The following BOC variants were observed in gnomAD, a reference collection of about 807,000 sequenced individuals.
The protein encoded by BOC is BOC cell adhesion associated, oncogene regulated, also known as brother of CDO.
BOC carries 76 observed loss-of-function variants against 112.0 expected under a neutral mutation model. That is an observed-to-expected ratio of 0.68 (90% CI 0.56 to 0.82). The LOEUF (loss-of-function observed/expected upper bound fraction) is 0.82. Ranked by LOEUF, BOC falls within the 40% of genes least tolerant of loss-of-function variation. The pLI is 0.00. For missense variants in BOC, 1,309 were observed against 1,511.7 expected (o/e 0.87, Z 2.22); for synonymous variants, 580 against 599.8 (o/e 0.97, Z 0.48).
At chr3:113,224,959 C>T (rs1214538889) in intron 2 of BOC, among the ~76,000 whole-genome samples, 1 of 152,114 alleles carries the variant, frequency 6.6e-6, no homozygotes, top group African/African-American at 2.4e-5. Flanking sequence ...CGCCTGTAGT[C>T]CCAGCTACTC....
chr3:113,229,845 T>C (rs1942317751), intron 2 of BOC, among the ~76,000 whole-genome samples: 1 of 152,194 alleles, frequency 6.6e-6, no homozygotes, highest in African/African-American at 2.4e-5. Flanking sequence ...CAGATATTCC[T>C]TACCAAAATG....
At chr3:113,236,851 C>G (rs1018259031) in intron 2 of BOC, among the ~76,000 whole-genome samples, 21 of 152,146 alleles carry the variant, frequency 1.4e-4, no homozygotes, top group Admixed American at 1.2e-3. Flanking sequence ...CCCTGACTCC[C>G]GAATTACTGC....
Position 113,268,383 on chromosome 3 carries a change from A to C in BOC, c.461A>C (p.Glu154Ala). 3.7e-6 allele frequency: 6 copies of C among 1,614,162 alleles called. No homozygotes were observed. The highest frequency in any genetic ancestry group is 5.1e-6 in the Non-Finnish European group (6 of 1,180,014). The change falls in exon 5 of 20, where the codon GAG (glutamate) becomes GCG (alanine). Residue 154 changes from glutamate to alanine, a missense_variant. Physicochemically the swap from Glu to Ala is moderately radical, Grantham distance 107 (BLOSUM62 -1). Transcript: ENST00000682979. Reference protein sequence around the residue: ...NTAVIACHLPESHPKAQVRYS... With the variant: ...NTAVIACHLPASHPKAQVRYS... ...GCAGTCATTGCCTGCCACCTGCCTG[A>C]GAGCCACCCCAAAGCCCAGGTCCGG...
rs183865325 is a variant in BOC, at chr3:113,229,642, G to C, written c.-82+13368G>C. On this transcript the variant is annotated intron_variant, in intron 2 of 19. Coordinates refer to ENST00000682979, the MANE Select transcript of BOC (RefSeq NM_001378074.1). ...ATCTGAAAATCCAGAAAATATCTGGGGAAATCTGAGAGAAGCTTTTTGGGA... is the reference window on the plus strand; with the variant it reads ...ATCTGAAAATCCAGAAAATATCTGGCGAAATCTGAGAGAAGCTTTTTGGGA... 6.9e-4 allele frequency among the ~76,000 whole-genome samples: 105 copies of C among 152,184 alleles called. 1 individual carries two copies. Among genetic ancestry groups the C allele is most frequent in the African/African-American group, 1.6e-3 (68 of 41,512 alleles).
chr3:113,254,689 T>TCTC (rs1229027559), intron 4 of BOC, among the ~76,000 whole-genome samples: 1 of 152,198 alleles, frequency 6.6e-6, no homozygotes, highest in Non-Finnish European at 1.5e-5. Flanking sequence ...TCTGGCCTCT[T>TCTC]CTCCACGCTG....
chr3:113,270,676 G>T, intron 5 of BOC, 125 bp from the exon 6 acceptor site: 1 of 1,085,930 alleles, frequency 9.2e-7, no homozygotes, highest in Non-Finnish European at 1.3e-6. Flanking sequence ...GGACTCAGGT[G>T]GACATCAGCT....
intron 14 of BOC, 64 bp downstream of exon 14, chr3:113,280,727 C>A (rs1949113052): frequency 2.2e-6 from 3 of 1,340,972 alleles, no homozygotes; most frequent in Non-Finnish European, 3.2e-6. Context: ...GCATGGGGGA[C>A]AAGGTATTGG....
chr3:113,243,279 A>G (rs1340462366), intron 2 of BOC, among the ~76,000 whole-genome samples: 1 of 152,246 alleles, frequency 6.6e-6, no homozygotes, highest in Non-Finnish European at 1.5e-5. Context: ...TTCAAGCCAC[A>G]GGAGGGAGTA....
At chr3:113,233,151 GTGTGTGTGT>G (rs1942917954) in intron 2 of BOC, among the ~76,000 whole-genome samples, 2 of 81,306 alleles carry the variant, frequency 2.5e-5, no homozygotes, top group African/African-American at 1.3e-4. Flanking sequence ...GGATTGGGGT[GTGTGTGTGT>G]GTGTGTGTGT....
intron 1 of BOC, chr3:113,212,580 G>T (rs1048207958): frequency 1.3e-5 from 2 of 152,310 alleles, no homozygotes; most frequent in African/African-American, 4.8e-5. Flanking sequence ...GAGGAACTCA[G>T]CGGACCGGGA....
chr3:113,286,382 T>C (rs1431634593), intron 19 of BOC, among the ~76,000 whole-genome samples: 1 of 152,152 alleles, frequency 6.6e-6, no homozygotes, highest in African/African-American at 2.4e-5. Context: ...GAGCAGGGCT[T>C]CCTTCTGCGT....
rs1450010233 is a variant in BOC at position 113,274,689 on chromosome 3, C to T, written c.1542+7C>T. The T allele has an allele frequency of 6.3e-7, 1 of 1,576,858 alleles. No individual in the cohort carries two copies. The highest frequency in any genetic ancestry group is 8.7e-7 in the Non-Finnish European group (1 of 1,155,010). ...TGTGGTGAAACACCGCAAGGTATGG[C>T]CCTGGTGTGGGGCTGCTGCCTCCCC... On this transcript the variant is annotated splice_region_variant and intron_variant, in intron 9 of 19. Coordinates refer to ENST00000682979, the MANE Select transcript of BOC (RefSeq NM_001378074.1). This position sits in a 1 kb window ranked among gnomAD's most constrained non-coding sequence, Gnocchi z 4.8.
At chr3:113,217,478 G>A (rs139223186) in intron 2 of BOC, among the ~76,000 whole-genome samples, 3 of 152,190 alleles carry the variant, frequency 2.0e-5, no homozygotes, top group African/African-American at 7.2e-5. Context: ...AGTGAGCTGA[G>A]ATGGTGCCAC....
chr3:113,280,537 T>G lies in BOC; in HGVS notation c.2206-21T>G. On this transcript the variant is annotated intron_variant, in intron 13 of 19. Coordinates refer to ENST00000682979, the MANE Select transcript of BOC (RefSeq NM_001378074.1). ...GTTTTCTCTGCCCATTGTCAACTTG[T>G]TTCTTCTCCATTCCCTATAGTACAT... 5 of 1,538,682 alleles carry G rather than the reference T, an allele frequency of 3.2e-6. No homozygotes were observed. In the South Asian group the frequency reaches 5.6e-5, roughly 17 times the overall value.
At chr3:113,220,774 G>A (rs1940465416) in intron 2 of BOC, among the ~76,000 whole-genome samples, 3 of 152,304 alleles carry the variant, frequency 2.0e-5, no homozygotes, top group South Asian at 4.1e-4. Flanking sequence ...TTGTGGGATC[G>A]GGCAATGTAG....
chr3:113,269,213 G>A (rs1052467346), intron 5 of BOC, among the ~76,000 whole-genome samples: 1 of 152,120 alleles, frequency 6.6e-6, no homozygotes, highest in Non-Finnish European at 1.5e-5. Context: ...CCCTCTCCCC[G>A]TTTGCATAGT....
At chr3:113,261,204 C>G (rs1946836353) in intron 4 of BOC, among the ~76,000 whole-genome samples, 1 of 152,162 alleles carries the variant, frequency 6.6e-6, no homozygotes, top group African/African-American at 2.4e-5. Context: ...TTCTCTCCTC[C>G]CTCTCTTCTT....
chr3:113,254,365 G>C (rs1945992506), intron 4 of BOC, among the ~76,000 whole-genome samples: 1 of 152,184 alleles, frequency 6.6e-6, no homozygotes, highest in Non-Finnish European at 1.5e-5. Context: ...TGGTGGAGTG[G>C]AACTGCAAAG....
chr3:113,235,497 A>C (rs1943303985), intron 2 of BOC, among the ~76,000 whole-genome samples: 1 of 152,204 alleles, frequency 6.6e-6, no homozygotes, highest in Non-Finnish European at 1.5e-5. Context: ...CTACTGTATG[A>C]TGATGAGGAT....
Sources: allele counts gnomAD v4.1 joint callset (sites outside exome capture counted in the v4.1 genomes callset), GRCh38; gene constraint gnomAD v4.1.1; non-coding constraint Gnocchi (gnomAD v3.1); transcripts MANE v1.5; gene names NCBI Gene and HGNC (gene_info 2026-07-23, HGNC 2026-07-21).